The following DCAF12 variants were observed in gnomAD, a reference collection of about 807,000 sequenced individuals.
DCAF12 encodes DDB1- and CUL4-associated factor 12.
A neutral mutation model predicts 52.8 loss-of-function variants in DCAF12; 28 were observed. The observed-to-expected ratio is 0.53, with a 90% confidence interval of 0.39 to 0.73. DCAF12 has a LOEUF of 0.73. DCAF12 is among the 30% of genes least tolerant of loss of function. DCAF12 has a pLI of 0.00. For synonymous variants in DCAF12, 196 were observed against 215.5 expected (o/e 0.91, Z 0.79); for missense variants, 425 against 552.2 (o/e 0.77, Z 2.31).
At position 34,111,474 on chromosome 9, in the gene DCAF12, A is replaced by G. The variant is rs1186780730; in HGVS notation, c.334-3909T>C. On this transcript the variant is annotated intron_variant, in intron 2 of 8. Coordinates refer to ENST00000361264, the MANE Select transcript of DCAF12 (RefSeq NM_015397.4). The stretch of plus-strand genomic sequence containing the variant: ...AAATATTTACTTATTTGTCTTCCTC[A>G]TAAAGCTATTAACTCTCTCCCAATT... Among the ~76,000 whole-genome samples the G allele has an allele frequency of 2.0e-5, 3 of 152,228 alleles. No individual in the cohort carries two copies. In the East Asian group the frequency reaches 5.8e-4, roughly 29 times the overall value.
rs575738369 is a variant in DCAF12, at chr9:34,111,697, T to C, written c.334-4132A>G. Among the ~76,000 whole-genome samples, 33 of 152,244 alleles carry C rather than the reference T, an allele frequency of 2.2e-4. 1 individual carries two copies. In the South Asian group the frequency reaches 6.4e-3, roughly 30 times the overall value. The stretch of plus-strand genomic sequence containing the variant: ...GATCACAGCACAGTCTAGAGGGAGT[T>C]TCAGGACAATCAGTCCAAAGGCTAG... On this transcript the variant is annotated intron_variant, in intron 2 of 8. Transcript: ENST00000361264.
chr9:34,091,638 T>TC (rs1491313035), intron 7 of DCAF12, among the ~76,000 whole-genome samples: 2 of 15,672 alleles, frequency 1.3e-4, no homozygotes, highest in Non-Finnish European at 3.2e-4. Context: ...GACCCTGTCT[T>TC]CAAAAAAAAA....
intron 2 of DCAF12, among the ~76,000 whole-genome samples, chr9:34,122,326 C>T (rs1829187388): frequency 1.3e-5 from 2 of 152,202 alleles, no homozygotes; most frequent in East Asian, 3.8e-4. Context: ...ATAATTCCTT[C>T]TACATAAATG....
rs775160589 is a variant in DCAF12, at chr9:34,093,319, C to T, written c.991G>A (p.Val331Ile). 15 of 1,614,098 alleles carry T rather than the reference C, an allele frequency of 9.3e-6. No individual in the cohort carries two copies. The highest frequency in any genetic ancestry group is 6.6e-5 in the South Asian group (6 of 91,090). Residue 331 changes from valine (V) to isoleucine (I), a missense_variant, in exon 7 of 9, where the codon GTC becomes ATC. Around this residue, in one of 3 missense-constraint regions of DCAF12, gnomAD observed 328 missense variants for 444.4 expected, o/e 0.74. Transcript: ENST00000361264. Reference sequence around the variant, plus strand: ...CGCTCCCTGGAACAGACAGACTTGACGTTGTATGATGGCTGCCGTGGATCC... The same window carrying T: ...CGCTCCCTGGAACAGACAGACTTGATGTTGTATGATGGCTGCCGTGGATCC... ...FLDPRQPSYN[V>I]KSVCSRERGS...
At chr9:34,100,198 CTTTT>C (rs35820744) in intron 4 of DCAF12, among the ~76,000 whole-genome samples, 8 of 117,762 alleles carry the variant, frequency 6.8e-5, no homozygotes, top group Non-Finnish European at 1.2e-4. Flanking sequence ...CCATGACTGG[CTTTT>C]TTTTTTTTTT....
chr9:34,096,477 T>C (rs555424438), intron 6 of DCAF12, among the ~76,000 whole-genome samples: 8 of 152,272 alleles, frequency 5.3e-5, no homozygotes, highest in African/African-American at 1.4e-4. Context: ...GGCAGACGCC[T>C]GTAATCCCCG....
intron 2 of DCAF12, among the ~76,000 whole-genome samples, chr9:34,121,762 G>A (rs1161214722): frequency 6.6e-6 from 1 of 152,084 alleles, no homozygotes; most frequent in Non-Finnish European, 1.5e-5. Flanking sequence ...GGCCAACACG[G>A]TGAAACCCTA....
At position 34,088,386 on chromosome 9, in the gene DCAF12, T is replaced by G. The variant is rs1238833959; in HGVS notation, c.1326A>C (p.Ser442=). ...KLFVAGGPLP[S]GLHGNYAGLW... ...GCCCAGCATAGTTTCCATGGAGCCC[T>G]GAAGGGAGGGGACCTCCTGCCACAA... The change falls in exon 9 of 9, where the codon TCA becomes TCC. Residue 442 remains serine, a synonymous_variant. Transcript: ENST00000361264. 4 of 1,611,818 alleles carry G rather than the reference T, an allele frequency of 2.5e-6. No homozygotes were observed. Among genetic ancestry groups the G allele is most frequent in the Non-Finnish European group, 3.4e-6 (4 of 1,178,858 alleles).
chr9:34,086,422 AAAGTC>A lies in DCAF12; in HGVS notation c.*1923_*1927del, dbSNP rs1238465985. Reference sequence around the variant, plus strand: ...TAATTTTTATTTTTTTCCTTGGCAAAAAGTCAAGTGCTACATTTTTAAAAACAGAA... The same window carrying A: ...TAATTTTTATTTTTTTCCTTGGCAAAAAGTGCTACATTTTTAAAAACAGAA... On this transcript the variant is annotated 3_prime_UTR_variant, in exon 9 of 9. Transcript: ENST00000361264. 1 of 152,166 alleles carries A rather than the reference AAAGTC, an allele frequency of 6.6e-6. No individual in the cohort carries two copies. The highest frequency in any genetic ancestry group is 2.4e-5 in the African/African-American group (1 of 41,454). The allele number at this position is 152,166 out of a possible 1,614,324, so 9.4% of individuals were successfully genotyped here. A position where few individuals can be genotyped will look rare whatever the true frequency, so the allele number is the denominator to read the frequency against.
chr9:34,111,418 C>T (rs973990805), intron 2 of DCAF12, among the ~76,000 whole-genome samples: 1 of 152,196 alleles, frequency 6.6e-6, no homozygotes, highest in African/African-American at 2.4e-5. Context: ...TCCCTCTACC[C>T]ACAACACTTA....
At chr9:34,116,606 C>T (rs1276581290) in intron 2 of DCAF12, among the ~76,000 whole-genome samples, 2 of 151,938 alleles carry the variant, frequency 1.3e-5, no homozygotes, top group African/African-American at 2.4e-5. Flanking sequence ...ACTCAGGTGG[C>T]GGAGGTTGTA....
At chr9:34,107,318 A>C (rs1345066739) in intron 3 of DCAF12, 41 bp downstream of exon 3, 1 of 1,597,918 alleles carries the variant, frequency 6.3e-7, no homozygotes, top group Admixed American at 1.7e-5. Context: ...ACCCGTTTAA[A>C]AACAAGGCTC....
chr9:34,100,204 T>A (rs1380571442), intron 4 of DCAF12, among the ~76,000 whole-genome samples: 1 of 149,298 alleles, frequency 6.7e-6, no homozygotes, highest in Non-Finnish European at 1.5e-5. Flanking sequence ...CTGGCTTTTT[T>A]TTTTTTTTTT....
chr9:34,095,290 G>T (rs1180306353), intron 6 of DCAF12, among the ~76,000 whole-genome samples: 1 of 150,884 alleles, frequency 6.6e-6, no homozygotes, highest in East Asian at 2.0e-4. Context: ...GGCCAGCATG[G>T]TCTCAATCTC....
Position 34,093,446 on chromosome 9 carries a change from G to A in DCAF12, c.864C>T (p.Leu288=). 2 of 1,614,028 alleles carry A rather than the reference G, an allele frequency of 1.2e-6. No individual in the cohort carries two copies. Among genetic ancestry groups the A allele is most frequent in the South Asian group, 1.1e-5 (1 of 91,062 alleles). The change falls in exon 7 of 9, where the codon CTC becomes CTT. Residue 288 remains leucine (L), a splice_region_variant and synonymous_variant. Coordinates refer to ENST00000361264, the MANE Select transcript of DCAF12 (RefSeq NM_015397.4). ...GGCAATATGGCAGTTTGGTGGAGAG[G>A]AGCTGAAAATAGAGGAGAGATATAA... ...LWKAENTLSK[L]LSTKLPYCRE...
chr9:34,123,530 G>A (rs971715634), intron 2 of DCAF12, among the ~76,000 whole-genome samples: 1 of 152,064 alleles, frequency 6.6e-6, no homozygotes. Flanking sequence ...TGGAAGCTAA[G>A]CAAAAACAAA....
At chr9:34,121,726 C>T (rs957876015) in intron 2 of DCAF12, among the ~76,000 whole-genome samples, 1 of 152,004 alleles carries the variant, frequency 6.6e-6, no homozygotes, top group East Asian at 1.9e-4. Flanking sequence ...AGGCGGATCA[C>T]GAGGTCAGAA....
At chr9:34,117,050 A>T (rs565571422) in intron 2 of DCAF12, among the ~76,000 whole-genome samples, 3 of 152,338 alleles carry the variant, frequency 2.0e-5, no homozygotes, top group Non-Finnish European at 2.9e-5. Flanking sequence ...CTGTGAATCT[A>T]AACTGTTCCT....
chr9:34,088,276 A>G lies in DCAF12; in HGVS notation c.*74T>C. The G allele has an allele frequency of 2.2e-6, 3 of 1,342,298 alleles. No individual in the cohort carries two copies. The highest frequency in any genetic ancestry group is 1.7e-5 in the South Asian group (1 of 59,346). The allele number at this position is 1,342,298 out of a possible 1,614,324, so 83.1% of individuals were successfully genotyped here. A position where few individuals can be genotyped will look rare whatever the true frequency, so the allele number is the denominator to read the frequency against. On this transcript the variant is annotated 3_prime_UTR_variant, in exon 9 of 9. Transcript: ENST00000361264. ...AACACAAGAGCCTCACACAATTAGG[A>G]AAAAAAAAATCAAAAGAAACAAGGA...
Sources: allele counts gnomAD v4.1 joint callset (sites outside exome capture counted in the v4.1 genomes callset), GRCh38; gene constraint gnomAD v4.1.1; regional missense constraint gnomAD v4.1.1; transcripts MANE v1.5; gene names NCBI Gene and HGNC (gene_info 2026-07-23, HGNC 2026-07-21).